RBFOX1: variants seen among roughly 807,000 people sequenced by gnomAD.
The protein encoded by RBFOX1 is RNA binding protein fox-1 homolog 1.
Under a neutral mutation model 57.7 loss-of-function variants are expected in RBFOX1, and 8 were observed. The observed-to-expected ratio is 0.14, with a 90% confidence interval of 0.08 to 0.25. The LOEUF is 0.25. Ranked by LOEUF, RBFOX1 falls within the 10% of genes least tolerant of loss-of-function variation. The pLI, the probability that RBFOX1 is intolerant of heterozygous loss-of-function variation, is 1.00. For synonymous variants in RBFOX1, 326 were observed against 222.4 expected (o/e 1.47, Z -4.15); for missense variants, 611 against 548.5 (o/e 1.11, Z -1.14).
At chr16:6,709,528 T>C (rs577345537) in intron 3 of RBFOX1, among the ~76,000 whole-genome samples, 1 of 152,306 alleles carries the variant, frequency 6.6e-6, no homozygotes, top group African/African-American at 2.4e-5. Flanking sequence ...TCCTACATAC[T>C]TCTTTCTACT....
chr16:5,638,429 A>T (rs1183853561), intron 3 of RBFOX1, among the ~76,000 whole-genome samples: 2 of 152,110 alleles, frequency 1.3e-5, no homozygotes, highest in Non-Finnish European at 1.5e-5. Flanking sequence ...AGTAACCATG[A>T]TGATTGAATA....
intron 2 of RBFOX1, among the ~76,000 whole-genome samples, chr16:6,645,780 C>T (rs1365140748): frequency 6.6e-6 from 1 of 152,160 alleles, no homozygotes; most frequent in Admixed American, 6.5e-5. Flanking sequence ...TTGCCATATG[C>T]TAAGACCCTG....
chr16:5,813,378 C>G (rs540428651), intron 3 of RBFOX1, among the ~76,000 whole-genome samples: 1 of 152,240 alleles, frequency 6.6e-6, no homozygotes, highest in African/African-American at 2.4e-5. Flanking sequence ...AAACTCGTAC[C>G]CATTAAGCAT....
chr16:6,862,011 G>T (rs1251635384), intron 3 of RBFOX1, among the ~76,000 whole-genome samples: 4 of 151,924 alleles, frequency 2.6e-5, no homozygotes, highest in Non-Finnish European at 5.9e-5. Context: ...TGTGGAGTGT[G>T]TAAGACAAAC....
chr16:7,067,578 A>G (rs1028000547), intron 4 of RBFOX1, among the ~76,000 whole-genome samples: 16 of 151,410 alleles, frequency 1.1e-4, no homozygotes, highest in Non-Finnish European at 1.9e-4. Flanking sequence ...GTACATGTGC[A>G]CAATGTTTAG....
intron 3 of RBFOX1, among the ~76,000 whole-genome samples, chr16:6,975,932 G>C (rs114767949): frequency 0.04 from 6,045 of 152,046 alleles, 400 homozygotes; most frequent in African/African-American, 0.14. Context: ...TCCAGATCAT[G>C]CTGGCCAACA....
chr16:6,208,772 C>G (rs541514423), intron 1 of RBFOX1, among the ~76,000 whole-genome samples: 14 of 152,290 alleles, frequency 9.2e-5, no homozygotes, highest in African/African-American at 3.4e-4. Flanking sequence ...TCTGGCCAAA[C>G]ACTGCATTCC....
intron 1 of RBFOX1, among the ~76,000 whole-genome samples, chr16:6,219,887 A>G (rs1191989510): frequency 6.6e-6 from 1 of 152,106 alleles, no homozygotes; most frequent in East Asian, 1.9e-4. Context: ...AAAAAAACAA[A>G]CAAACAAAAA....
intron 2 of RBFOX1, among the ~76,000 whole-genome samples, chr16:6,391,989 A>C (rs1013774611): frequency 6.6e-6 from 1 of 152,212 alleles, no homozygotes; most frequent in African/African-American, 2.4e-5. Flanking sequence ...CTTTTGAAGA[A>C]TAAGTAGGAT....
At chr16:5,593,267 C>T (rs1200699402) in intron 2 of RBFOX1, among the ~76,000 whole-genome samples, 1 of 150,880 alleles carries the variant, frequency 6.6e-6, no homozygotes, top group Non-Finnish European at 1.5e-5. Context: ...TGTATGTTCT[C>T]ACTTATAAGT....
At chr16:7,594,720 G>C (rs1323323699) in intron 7 of RBFOX1, among the ~76,000 whole-genome samples, 5 of 152,116 alleles carry the variant, frequency 3.3e-5, no homozygotes, top group African/African-American at 4.8e-5. Flanking sequence ...GCTACCTGTT[G>C]ATATGAAAAA....
At chr16:5,803,956 C>T (rs1431081169) in intron 3 of RBFOX1, among the ~76,000 whole-genome samples, 1 of 152,180 alleles carries the variant, frequency 6.6e-6, no homozygotes, top group African/African-American at 2.4e-5. Context: ...CATGCCCTTC[C>T]CTACTTGTCA....
exon 1 of RBFOX1, chr16:5,239,876 C>T: frequency 9.3e-6 from 13 of 1,396,412 alleles, no homozygotes; most frequent in African/African-American, 1.5e-5. Flanking sequence ...GCAGGCAGAG[C>T]CCCCGGAGCC....
intron 2 of RBFOX1, among the ~76,000 whole-genome samples, chr16:6,367,148 T>C (rs961280048): frequency 6.6e-6 from 1 of 152,210 alleles, no homozygotes; most frequent in Non-Finnish European, 1.5e-5. Context: ...ATGAATAAAG[T>C]GAGAGCTTTG....
intron 1 of RBFOX1, among the ~76,000 whole-genome samples, chr16:6,301,251 C>T (rs138239678): frequency 1.3e-5 from 2 of 152,276 alleles, no homozygotes; most frequent in East Asian, 1.9e-4. Flanking sequence ...ATTTCATATA[C>T]ATGAGTTCTG....
intron 2 of RBFOX1, among the ~76,000 whole-genome samples, chr16:5,530,986 T>C (rs149942952): frequency 7.0e-6 from 1 of 142,468 alleles, no homozygotes; most frequent in African/African-American, 2.5e-5. Context: ...TTAGCCAGGC[T>C]TGGTGGCAGG....
intron 2 of RBFOX1, among the ~76,000 whole-genome samples, chr16:6,596,445 A>G (rs1471944849): frequency 6.6e-6 from 1 of 152,152 alleles, no homozygotes; most frequent in Admixed American, 6.6e-5. Flanking sequence ...TTAATTGTAG[A>G]ATGTAAATAT....
At chr16:5,851,751 T>G (rs2056902589) in intron 3 of RBFOX1, among the ~76,000 whole-genome samples, 1 of 152,230 alleles carries the variant, frequency 6.6e-6, no homozygotes, top group African/African-American at 2.4e-5. Context: ...AAAGAGTCAT[T>G]GTTCATGTCC....
intron 1 of RBFOX1, among the ~76,000 whole-genome samples, chr16:6,130,349 T>C (rs2096621098): frequency 6.6e-6 from 1 of 152,100 alleles, no homozygotes; most frequent in African/African-American, 2.4e-5. Flanking sequence ...TCTGATAAGT[T>C]ATGGATACAT....
Sources: gnomAD v4.1 joint callset for allele counts (sites outside exome capture counted in the v4.1 genomes callset) on GRCh38, gnomAD v4.1.1 for gene constraint, MANE v1.5 for transcripts, NCBI Gene and HGNC (gene_info 2026-07-23, HGNC 2026-07-21) for gene names.